FBXO9: variants seen among roughly 807,000 people sequenced by gnomAD.
FBXO9 encodes the protein F-box protein 9.
In FBXO9, 43 loss-of-function variants were observed where a neutral mutation model predicts 63.7. The observed-to-expected ratio is 0.67, with a 90% CI of 0.53 to 0.87. FBXO9 has a LOEUF of 0.87. Among genes scored for constraint, FBXO9 ranks in the 40% least tolerant of loss-of-function variants. The probability of loss-of-function intolerance (pLI) is 0.00; values close to 1 mark genes in which losing one functional copy is unlikely to be tolerated. For missense variants in FBXO9, 442 were observed against 533.2 expected (o/e 0.83, Z 1.68); for synonymous variants, 156 against 171.7 (o/e 0.91, Z 0.72).
In FBXO9 at chr6:53,080,952, A is replaced by G. The variant is rs1323122522; in HGVS notation, c.408-16A>G. The G allele has an allele frequency of 6.2e-7, 1 of 1,612,978 alleles. No homozygotes were observed. On this transcript the variant is annotated splice_polypyrimidine_tract_variant and intron_variant, in intron 5 of 12. Transcript: ENST00000323557. Reference sequence around the variant, plus strand: ...GTAGACTGAGGCACTTAATTTATTCACCTCCCTTTTTTCAGCATTGAAGAT... The same window carrying G: ...GTAGACTGAGGCACTTAATTTATTCGCCTCCCTTTTTTCAGCATTGAAGAT...
At chr6:53,079,048 A>G in intron 5 of FBXO9, 150 bp downstream of exon 5, 1 of 483,028 alleles carries the variant, frequency 2.1e-6, no homozygotes, top group Non-Finnish European at 3.7e-6. Flanking sequence ...TTTTTTAATT[A>G]GGGAAATTGC....
Position 53,078,865 on chromosome 6 carries a change from G to A in FBXO9, c.374G>A (p.Arg125Gln), listed in dbSNP as rs371421771. Residue 125 changes from arginine to glutamine, a missense_variant, in exon 5 of 13, where the codon CGG becomes CAG. This residue lies in a region of FBXO9 where 180 missense variants were observed against 171.1 expected (regional missense o/e 1.05). Coordinates refer to ENST00000323557, the MANE Select transcript of FBXO9 (RefSeq NM_033480.3). ...ATAGAGTTCAAGATTACTTATACCC[G>A]GTCTCCAGATGGTGATGGCGTTGGA... ...PDIEFKITYT[R>Q]SPDGDGVGNS... The A allele has an allele frequency of 3.3e-5, 53 of 1,613,640 alleles. No homozygotes were observed. Among genetic ancestry groups the A allele is most frequent in the Non-Finnish European group, 4.2e-5 (49 of 1,179,738 alleles).
chr6:53,097,916 G>C lies in FBXO9; in HGVS notation c.*86G>C, dbSNP rs1763256633. 1 of 23,264 alleles carries C rather than the reference G, an allele frequency of 4.3e-5. No homozygotes were observed. The highest frequency in any genetic ancestry group is 2.7e-4 in the African/African-American group (1 of 3,740). The allele number at this position is 23,264 out of a possible 1,614,324, so 1.4% of individuals were successfully genotyped here. A position where few individuals can be genotyped will look rare whatever the true frequency, so the allele number is the denominator to read the frequency against. ...ACCTAAGTTATAAATGTGTGTGTGT[G>C]CGTGTGTGTGTATATATATATATAT... On this transcript the variant is annotated 3_prime_UTR_variant, in exon 13 of 13. Coordinates refer to ENST00000323557, the MANE Select transcript of FBXO9 (RefSeq NM_033480.3).
At position 53,065,786 on chromosome 6, in the gene FBXO9, C is replaced by G; in HGVS notation, c.-4C>G. The G allele has an allele frequency of 7.2e-7, 1 of 1,389,488 alleles. No homozygotes were observed. The highest frequency in any genetic ancestry group is 9.3e-7 in the Non-Finnish European group (1 of 1,071,152). 86.1% of individuals were successfully genotyped at this position (1,389,488 alleles called of 1,614,324 possible). A position where few individuals can be genotyped will look rare whatever the true frequency, so the allele number is the denominator to read the frequency against. On this transcript the variant is annotated 5_prime_UTR_variant, in exon 1 of 13. Coordinates refer to ENST00000323557, the MANE Select transcript of FBXO9 (RefSeq NM_033480.3). ...CCTCGAGCGCAGCAGGCCGCCCCGCCAGCATGGTAACCTGGCCAGGGGGCT... is the reference window on the plus strand; with the variant it reads ...CCTCGAGCGCAGCAGGCCGCCCCGCGAGCATGGTAACCTGGCCAGGGGGCT...
At chr6:53,069,271 T>C (rs952887763) in intron 1 of FBXO9, among the ~76,000 whole-genome samples, 1 of 152,228 alleles carries the variant, frequency 6.6e-6, no homozygotes, top group Non-Finnish European at 1.5e-5. Flanking sequence ...AGTATCAAGT[T>C]ATATCTGATT....
chr6:53,080,912 C>G, intron 5 of FBXO9, 56 bp from the exon 6 acceptor site: 1 of 1,591,002 alleles, frequency 6.3e-7, no homozygotes, highest in Non-Finnish European at 8.5e-7. Flanking sequence ...AAATCAGTTT[C>G]TAAACTGTAC....
At chr6:53,071,347 A>G (rs762278689) in intron 2 of FBXO9, among the ~76,000 whole-genome samples, 7 of 152,228 alleles carry the variant, frequency 4.6e-5, no homozygotes, top group Non-Finnish European at 7.3e-5. Context: ...GTAGTTTAAC[A>G]TGGGTTTAAA....
intron 9 of FBXO9, 171 bp from the exon 10 acceptor site, chr6:53,093,295 G>A: frequency 2.1e-6 from 1 of 477,936 alleles, no homozygotes; most frequent in East Asian, 3.2e-5. Context: ...CTTTGTTGCT[G>A]GACTAACAGG....
At position 53,095,489 on chromosome 6, in the gene FBXO9, A is replaced by G. The variant is rs759420118; in HGVS notation, c.1054-24A>G. 8.8e-6 allele frequency: 14 copies of G among 1,589,602 alleles called. No homozygotes were observed. The South Asian group carries it at 1.5e-4, about 17-fold the overall frequency. ...AGAAGTGAGGTAAGGTTTCATTATAACTTATGCATCTTTTCTTTTGCAGAA... is the reference window on the plus strand; with the variant it reads ...AGAAGTGAGGTAAGGTTTCATTATAGCTTATGCATCTTTTCTTTTGCAGAA... On this transcript the variant is annotated intron_variant, in intron 11 of 12. Coordinates refer to ENST00000323557, the MANE Select transcript of FBXO9 (RefSeq NM_033480.3).
intron 1 of FBXO9, among the ~76,000 whole-genome samples, chr6:53,069,242 C>G (rs1337704126): frequency 6.6e-6 from 1 of 152,142 alleles, no homozygotes; most frequent in Non-Finnish European, 1.5e-5. Flanking sequence ...GTTTATTCTA[C>G]AGTATCAAAA....
At chr6:53,074,311 A>G (rs973369250) in intron 3 of FBXO9, among the ~76,000 whole-genome samples, 1 of 152,226 alleles carries the variant, frequency 6.6e-6, no homozygotes, top group Non-Finnish European at 1.5e-5. Context: ...TGGCATTACC[A>G]TGATGACTTA....
Position 53,100,652 on chromosome 6 carries a change from T to C in FBXO9, c.*2822T>C, listed in dbSNP as rs910905091. 1 of 152,080 alleles carries C rather than the reference T, an allele frequency of 6.6e-6. No individual in the cohort carries two copies. The highest frequency in any genetic ancestry group is 2.4e-5 in the African/African-American group (1 of 41,424). The allele number at this position is 152,080 out of a possible 1,614,324, so 9.4% of individuals were successfully genotyped here. A position where few individuals can be genotyped will look rare whatever the true frequency, so the allele number is the denominator to read the frequency against. ...CCCTCTACTAACCACTCTCAACCTA[T>C]GGTATTTATCTTTTGATTATTCTGT... On this transcript the variant is annotated 3_prime_UTR_variant, in exon 13 of 13. Coordinates refer to ENST00000323557, the MANE Select transcript of FBXO9 (RefSeq NM_033480.3).
chr6:53,076,555 G>C lies in FBXO9; in HGVS notation c.307+12G>C. On this transcript the variant is annotated intron_variant, in intron 4 of 12. Coordinates refer to ENST00000323557, the MANE Select transcript of FBXO9 (RefSeq NM_033480.3). Reference sequence around the variant, plus strand: ...AGCTCTCTATGAAGGTAAAAATTCAGAGCCCAGGTTCATATCATAACATTT... The same window carrying C: ...AGCTCTCTATGAAGGTAAAAATTCACAGCCCAGGTTCATATCATAACATTT... The C allele has an allele frequency of 6.6e-7, 1 of 1,518,424 alleles. No homozygotes were observed. The highest frequency in any genetic ancestry group is 8.8e-7 in the Non-Finnish European group (1 of 1,142,770). The allele number at this position is 1,518,424 out of a possible 1,614,324, so 94.1% of individuals were successfully genotyped here. A position where few individuals can be genotyped will look rare whatever the true frequency, so the allele number is the denominator to read the frequency against.
Position 53,070,075 on chromosome 6 carries a change from A to G in FBXO9, c.4-982A>G, listed in dbSNP as rs1245066208. Among the ~76,000 whole-genome samples, 6 of 129,620 alleles carry G rather than the reference A, an allele frequency of 4.6e-5. No homozygotes were observed. In the Admixed American group the frequency reaches 4.6e-4, roughly 10 times the overall value. The allele number at this position is 129,620 out of a possible 152,430, so 85.0% of individuals were successfully genotyped here. A position where few individuals can be genotyped will look rare whatever the true frequency, so the allele number is the denominator to read the frequency against. On this transcript the variant is annotated intron_variant, in intron 1 of 12. Coordinates refer to ENST00000323557, the MANE Select transcript of FBXO9 (RefSeq NM_033480.3). Reference sequence around the variant, plus strand: ...TCTCTGTCATCCAGGCTGGAGTGCAATGGTGCAGTCTCGGCTCACTGCAAC... The same window carrying G: ...TCTCTGTCATCCAGGCTGGAGTGCAGTGGTGCAGTCTCGGCTCACTGCAAC...
chr6:53,075,244 T>C (rs935047982), intron 3 of FBXO9, among the ~76,000 whole-genome samples: 1 of 151,836 alleles, frequency 6.6e-6, no homozygotes, highest in African/African-American at 2.4e-5. Flanking sequence ...CAAGCGATTC[T>C]CGTGCCTTGG....
At chr6:53,084,608 A>G (rs1431580815) in intron 7 of FBXO9, among the ~76,000 whole-genome samples, 1 of 152,224 alleles carries the variant, frequency 6.6e-6, no homozygotes, top group Non-Finnish European at 1.5e-5. Context: ...TGTGGCTCAT[A>G]TATCAGGCAT....
intron 12 of FBXO9, 102 bp downstream of exon 12, chr6:53,095,766 T>A (rs1393439566): frequency 1.7e-6 from 2 of 1,164,490 alleles, no homozygotes; most frequent in Non-Finnish European, 2.4e-6. Context: ...GAGTTAACAC[T>A]ACATTACAAA....
chr6:53,077,102 G>A (rs1265447965), intron 4 of FBXO9, among the ~76,000 whole-genome samples: 3 of 151,974 alleles, frequency 2.0e-5, no homozygotes, highest in Non-Finnish European at 4.4e-5. Flanking sequence ...TGCTTCAGAG[G>A]ATGGGAATAT....
At chr6:53,080,938 C>T in intron 5 of FBXO9, 30 bp from the exon 6 acceptor site, 1 of 1,612,014 alleles carries the variant, frequency 6.2e-7, no homozygotes, top group Non-Finnish European at 8.5e-7. Flanking sequence ...TAGACTGAGG[C>T]ACTTAATTTA....
Sources: allele counts gnomAD v4.1 joint callset (sites outside exome capture counted in the v4.1 genomes callset), GRCh38; gene constraint gnomAD v4.1.1; regional missense constraint gnomAD v4.1.1; transcripts MANE v1.5; gene names NCBI Gene and HGNC (gene_info 2026-07-23, HGNC 2026-07-21).